SPEF2: variants seen among roughly 807,000 people sequenced by gnomAD.
SPEF2 encodes the protein sperm flagellar and cilia associated 2.
Under a neutral mutation model 224.6 loss-of-function variants are expected in SPEF2, and 187 were observed. That is an observed-to-expected ratio of 0.83 (90% CI 0.74 to 0.94). The LOEUF (loss-of-function observed/expected upper bound fraction) is 0.94, where lower values mean the gene tolerates loss of function less well. SPEF2 is among the 40% of genes least tolerant of loss of function. SPEF2 has a pLI of 0.00. For missense variants in SPEF2, 2,170 were observed against 2,135.6 expected, an observed-to-expected ratio of 1.02 and a Z score of -0.32; for synonymous variants, 715 against 707.3, an observed-to-expected ratio of 1.01 and a Z score of -0.17.
chr5:35,738,135 T>C (rs1746956764), intron 21 of SPEF2, among the ~76,000 whole-genome samples: 1 of 152,154 alleles, frequency 6.6e-6, no homozygotes, highest in Non-Finnish European at 1.5e-5. Context: ...GATGAGTCGA[T>C]TGCAAAAATT....
Position 35,644,479 on chromosome 5 carries a change from G to C in SPEF2, c.539G>C (p.Arg180Thr). 6.2e-7 allele frequency: 1 copy of C among 1,606,058 alleles called. No individual in the cohort carries two copies. The highest frequency in any genetic ancestry group is 1.1e-5 in the South Asian group (1 of 88,574). The change falls in exon 4 of 37, where the codon AGA becomes ACA. Residue 180 changes from arginine to threonine, a missense_variant. Physicochemically the swap from Arg to Thr is moderately conservative, Grantham distance 71. Coordinates refer to ENST00000356031, the MANE Select transcript of SPEF2 (RefSeq NM_024867.4). ...CATTTGCATTTTGAGAAACTTGAAAGATTTCAAAAACTCAAGGAAGAGCAA... is the reference window on the plus strand; with the variant it reads ...CATTTGCATTTTGAGAAACTTGAAACATTTCAAAAACTCAAGGAAGAGCAA... ...LAHLHFEKLE[R>T]FQKLKEEQRC...
At chr5:35,659,240 G>C in intron 8 of SPEF2, 33 bp downstream of exon 8, 1 of 1,520,300 alleles carries the variant, frequency 6.6e-7, no homozygotes, top group South Asian at 1.3e-5. Flanking sequence ...ATCTTTCTAA[G>C]GTTACTTTTG....
chr5:35,647,566 C>A (rs910079397), intron 5 of SPEF2, among the ~76,000 whole-genome samples: 1 of 152,102 alleles, frequency 6.6e-6, no homozygotes, highest in South Asian at 2.1e-4. Flanking sequence ...CATGATCCAC[C>A]GCCATGACCC....
intron 13 of SPEF2, 50 bp from the exon 14 acceptor site, chr5:35,695,685 G>A: frequency 6.9e-7 from 1 of 1,457,266 alleles, no homozygotes; most frequent in Non-Finnish European, 9.5e-7. Flanking sequence ...TGCTTTGGTT[G>A]TTAGGTGTAA....
intron 30 of SPEF2, among the ~76,000 whole-genome samples, chr5:35,784,822 A>T (rs1276387567): frequency 2.0e-5 from 3 of 152,062 alleles, no homozygotes; most frequent in African/African-American, 7.2e-5. Context: ...GCCAAGTGTC[A>T]TGGAGAATGG....
At position 35,806,957 on chromosome 5, in the gene SPEF2, G is replaced by A; in HGVS notation, c.5256+5G>A. 1 of 1,587,212 alleles carries A rather than the reference G, an allele frequency of 6.3e-7. No individual in the cohort carries two copies. The highest frequency in any genetic ancestry group is 8.5e-7 in the Non-Finnish European group (1 of 1,169,648). On this transcript the variant is annotated splice_donor_5th_base_variant and intron_variant, in intron 35 of 36. Coordinates refer to ENST00000356031, the MANE Select transcript of SPEF2 (RefSeq NM_024867.4). ...ATAGAGAACATTTATGCAGAGGTTG[G>A]TTAAATTATTTTGAAAAAAGTTGGC... is the stretch of plus-strand genomic sequence containing the variant.
At chr5:35,751,813 G>A (rs2149723411) in intron 23 of SPEF2, among the ~76,000 whole-genome samples, 1 of 152,186 alleles carries the variant, frequency 6.6e-6, no homozygotes, top group South Asian at 2.1e-4. Context: ...GAAATTATAG[G>A]CAAGAAACTT....
chr5:35,764,796 C>G (rs1002655630), intron 26 of SPEF2: 9 of 445,408 alleles, frequency 2.0e-5, no homozygotes, highest in African/African-American at 1.4e-4. Context: ...GCCTGTGTTT[C>G]CTTTCTTCCT....
At chr5:35,652,791 A>C (rs1257279016) in intron 6 of SPEF2, among the ~76,000 whole-genome samples, 1 of 152,204 alleles carries the variant, frequency 6.6e-6, no homozygotes, top group Non-Finnish European at 1.5e-5. Context: ...TACATCATAA[A>C]AATTAAACAT....
At chr5:35,633,042 A>AACAGCTTTAATATACGTTAAAAC (rs1745346057) in intron 2 of SPEF2, 1 of 152,322 alleles carries the variant, frequency 6.6e-6, no homozygotes, top group Non-Finnish European at 1.5e-5. Flanking sequence ...CTGTTTTTAA[A>AACAGCTTTAATATACGTTAAAAC]AATGGTCTAA....
At chr5:35,636,729 C>A in intron 2 of SPEF2, among the ~76,000 whole-genome samples, 1 of 151,984 alleles carries the variant, frequency 6.6e-6, no homozygotes, top group Non-Finnish European at 1.5e-5. Context: ...AATCCCAACA[C>A]TTTGGGAGGC....
intron 15 of SPEF2, chr5:35,698,426 G>A (rs1264803990): frequency 6.6e-6 from 1 of 152,218 alleles, no homozygotes; most frequent in East Asian, 1.9e-4. Flanking sequence ...GCTGCCCAGA[G>A]CTAGGAGGGG....
chr5:35,749,770 C>G (rs2149714669), intron 23 of SPEF2, among the ~76,000 whole-genome samples: 1 of 152,220 alleles, frequency 6.6e-6, no homozygotes, highest in South Asian at 2.1e-4. Flanking sequence ...TGAAAATGAT[C>G]ATACTGCCCA....
intron 33 of SPEF2, among the ~76,000 whole-genome samples, chr5:35,797,322 G>GTC (rs1359245139): frequency 0.095 from 3,132 of 32,870 alleles, 122 homozygotes; most frequent in Middle Eastern, 0.17. Flanking sequence ...TGACGGGTGT[G>GTC]TGTGTGTGTG....
chr5:35,635,107 G>A (rs533203612), intron 2 of SPEF2, among the ~76,000 whole-genome samples: 64 of 152,010 alleles, frequency 4.2e-4, no homozygotes, highest in African/African-American at 1.3e-3. Flanking sequence ...TGAGGTTCTG[G>A]TCATTTTTCT....
intron 18 of SPEF2, among the ~76,000 whole-genome samples, chr5:35,706,983 A>G (rs555566367): frequency 6.6e-6 from 1 of 152,336 alleles, no homozygotes; most frequent in South Asian, 2.1e-4. Flanking sequence ...GCCAACTATT[A>G]GACTCAACTT....
intron 23 of SPEF2, among the ~76,000 whole-genome samples, chr5:35,741,407 G>A (rs1204242355): frequency 6.6e-6 from 1 of 152,194 alleles, no homozygotes; most frequent in African/African-American, 2.4e-5. Flanking sequence ...GCACTGAAGG[G>A]GGAGGACACT....
chr5:35,741,808 A>G (rs1483325622), intron 23 of SPEF2, among the ~76,000 whole-genome samples: 1 of 152,144 alleles, frequency 6.6e-6, no homozygotes, highest in Non-Finnish European at 1.5e-5. Context: ...ATCTATATAA[A>G]CCCTACAACT....
At chr5:35,811,801 G>A (rs866054912) in intron 36 of SPEF2, among the ~76,000 whole-genome samples, 7 of 127,020 alleles carry the variant, frequency 5.5e-5, no homozygotes, top group East Asian at 2.1e-4. Flanking sequence ...ACAGAGTCTC[G>A]CTCTGTTGCT....
Sources: gnomAD v4.1 joint callset for allele counts (sites outside exome capture counted in the v4.1 genomes callset) on GRCh38, gnomAD v4.1.1 for gene constraint, MANE v1.5 for transcripts, NCBI Gene and HGNC (gene_info 2026-07-23, HGNC 2026-07-21) for gene names.